MME: variants seen among roughly 807,000 people sequenced by gnomAD.
MME encodes neprilysin.
MME carries 98 observed loss-of-function variants against 113.2 expected under a neutral mutation model. The ratio of observed to expected loss-of-function variants is 0.87; its 90% confidence interval spans 0.74 to 1.02. The LOEUF (loss-of-function observed/expected upper bound fraction) is 1.02, where lower values mean the gene tolerates loss of function less well. MME is among the 50% of genes least tolerant of loss of function. The pLI, the probability that MME is intolerant of heterozygous loss-of-function variation, is 0.00. For synonymous variants in MME, 292 were observed against 300.6 expected (o/e 0.97, Z 0.30); for missense variants, 836 against 896.0 (o/e 0.93, Z 0.86).
chr3:155,084,612 T>C (rs1388671242), intron 2 of MME, among the ~76,000 whole-genome samples: 1 of 152,196 alleles, frequency 6.6e-6, no homozygotes, highest in Non-Finnish European at 1.5e-5. Flanking sequence ...TATACACAAT[T>C]TTATGGCCAG....
chr3:155,130,363 G>A (rs938247977), intron 8 of MME, among the ~76,000 whole-genome samples: 1 of 152,128 alleles, frequency 6.6e-6, no homozygotes, highest in Non-Finnish European at 1.5e-5. Context: ...TAAAAGAAAA[G>A]TAAGAAAACC....
chr3:155,148,569 A>G lies in MME; in HGVS notation c.1517A>G (p.Glu506Gly). ...EYLELNYKED[E>G]YFENIIQNLK... is the part of the protein sequence containing the mutation. ...ATACAGTTGAACTACAAAGAAGATG[A>G]ATACTTCGAGAACATAATTCAAAAT... Residue 506 changes from glutamate to glycine, a missense_variant, in exon 16 of 23, where the codon GAA becomes GGA. Physicochemically the swap from Glu to Gly is moderately conservative, Grantham distance 98. Coordinates refer to ENST00000360490, the MANE Select transcript of MME (RefSeq NM_007289.4). The G allele has an allele frequency of 6.2e-7, 1 of 1,607,936 alleles. No homozygotes were observed. The highest frequency in any genetic ancestry group is 1.3e-5 in the African/African-American group (1 of 74,896).
intron 22 of MME, among the ~76,000 whole-genome samples, chr3:155,174,325 CGTGTGTGTGTGTGTGT>C (rs3839085): frequency 0.013 from 1,480 of 110,320 alleles, 18 homozygotes; most frequent in Non-Finnish European, 0.017. Context: ...ACAACAGAAG[CGTGTGTGTGTGTGTGT>C]GTGTGTGTGT....
chr3:155,180,229 G>C (rs752141051), intron 22 of MME, 131 bp from the exon 23 acceptor site: 3 of 765,754 alleles, frequency 3.9e-6, no homozygotes, highest in African/African-American at 3.4e-5. Flanking sequence ...CATTGTACCA[G>C]GTTATTTTAA....
intron 1 of MME, among the ~76,000 whole-genome samples, chr3:155,051,759 C>A (rs1228253356): frequency 6.6e-6 from 1 of 152,150 alleles, no homozygotes; most frequent in African/African-American, 2.4e-5. Context: ...CATTCCGTCT[C>A]TGACCAAATC....
chr3:155,056,510 T>G lies in MME; in HGVS notation c.-10-27648T>G, dbSNP rs949082185. ...TGTCCCTACAAAGGACATGAACTCA[T>G]CATTTTTTATGGCTGCATAGTATTC... On this transcript the variant is annotated intron_variant, in intron 1 of 22. Coordinates refer to the MME transcript ENST00000492661. 2.6e-4 allele frequency among the ~76,000 whole-genome samples: 38 copies of G among 148,600 alleles called. 1 individual carries two copies. Among genetic ancestry groups the G allele is most frequent in the African/African-American group, 9.5e-4 (37 of 38,908 alleles).
rs1314424522 is a variant in MME, at chr3:155,180,444, G to A, written c.2238G>A (p.Lys746=). The A allele has an allele frequency of 6.2e-7, 1 of 1,613,314 alleles. No homozygotes were observed. The highest frequency in any genetic ancestry group is 1.7e-4 in the Middle Eastern group (1 of 6,058). The change falls in exon 23 of 23, where the codon AAG becomes AAA. Residue 746 remains lysine (K), a synonymous_variant. Coordinates refer to ENST00000360490, the MANE Select transcript of MME (RefSeq NM_007289.4). ...RKNSYMNPEK[K]CRVW is the part of the protein sequence containing the mutation. ...ATTCATACATGAATCCAGAAAAGAA[G>A]TGCCGGGTTTGGTGATCTTCAAAAG...
At chr3:155,032,238 T>A (rs1408422567) in intron 1 of MME, among the ~76,000 whole-genome samples, 6 of 152,212 alleles carry the variant, frequency 3.9e-5, no homozygotes, top group Non-Finnish European at 8.8e-5. Context: ...AGGAGAAAGA[T>A]TAGATTTGTC....
In MME at chr3:155,141,868, A is replaced by C. The variant is rs534576513; in HGVS notation, c.958-123A>C. ...CTAGTTTTTATTTAAAAACTGATTG[A>C]AACAATTGAGGAAGAATCCCAAGTG... On this transcript the variant is annotated intron_variant, in intron 10 of 22. Transcript: ENST00000360490. 16 of 1,057,322 alleles carry C rather than the reference A, an allele frequency of 1.5e-5. No individual in the cohort carries two copies. The African/African-American group carries it at 2.4e-4, about 16-fold the overall frequency. 65.5% of individuals were successfully genotyped at this position (1,057,322 alleles called of 1,614,324 possible).
At chr3:155,130,748 C>G (rs1433735286) in intron 8 of MME, among the ~76,000 whole-genome samples, 3 of 152,162 alleles carry the variant, frequency 2.0e-5, no homozygotes, top group African/African-American at 7.2e-5. Context: ...CTTTGTCCAC[C>G]TACCCAATGT....
chr3:155,099,081 T>C (rs1469644201), intron 3 of MME, among the ~76,000 whole-genome samples: 1 of 152,166 alleles, frequency 6.6e-6, no homozygotes, highest in Non-Finnish European at 1.5e-5. Flanking sequence ...TAGTTTTGCT[T>C]TTCCATGTTG....
chr3:155,161,072 A>C (rs193128571), intron 17 of MME, among the ~76,000 whole-genome samples: 1 of 152,184 alleles, frequency 6.6e-6, no homozygotes, highest in Non-Finnish European at 1.5e-5. Flanking sequence ...ACATTAACAC[A>C]TGAATAAGTT....
At chr3:155,049,597 C>T (rs775686637) in intron 1 of MME, among the ~76,000 whole-genome samples, 1 of 151,946 alleles carries the variant, frequency 6.6e-6, no homozygotes, top group Non-Finnish European at 1.5e-5. Flanking sequence ...AATTAAGGAA[C>T]ATGGTAGAGA....
chr3:155,025,243 C>T (rs1371662304), intron 1 of MME, among the ~76,000 whole-genome samples: 1 of 152,150 alleles, frequency 6.6e-6, no homozygotes, highest in Non-Finnish European at 1.5e-5. Flanking sequence ...ACTCAGCCAA[C>T]TGTGCCAGTG....
At chr3:155,047,790 G>A (rs1467839928) in intron 1 of MME, among the ~76,000 whole-genome samples, 2 of 152,074 alleles carry the variant, frequency 1.3e-5, no homozygotes, top group Non-Finnish European at 2.9e-5. Context: ...GGATTGGGTA[G>A]ACTATGGTTT....
intron 1 of MME, among the ~76,000 whole-genome samples, chr3:155,027,587 C>T (rs1218628700): frequency 1.3e-5 from 2 of 152,334 alleles, no homozygotes; most frequent in East Asian, 1.9e-4. Flanking sequence ...GATCTGAAAA[C>T]CTCTATTCAA....
At position 155,140,310 on chromosome 3, in the gene MME, TG is replaced by T; in HGVS notation, c.957+19del. The T allele has an allele frequency of 1.3e-6, 2 of 1,496,468 alleles. No homozygotes were observed. Among genetic ancestry groups the T allele is most frequent in the Non-Finnish European group, 1.9e-6 (2 of 1,073,294 alleles). The allele number at this position is 1,496,468 out of a possible 1,614,324, so 92.7% of individuals were successfully genotyped here. ...ATGGGAAGGTAAGTGGTAAGTTTTT[TG>T]TGCTCTCTTATTGTGCCGTTTTCTA... is the stretch of plus-strand genomic sequence containing the variant. On this transcript the variant is annotated intron_variant, in intron 10 of 22. Coordinates refer to ENST00000360490, the MANE Select transcript of MME (RefSeq NM_007289.4).
At chr3:155,075,589 T>C (rs1218737848), upstream of MME, among the ~76,000 whole-genome samples, 2 of 152,220 alleles carry the variant, frequency 1.3e-5, no homozygotes, top group African/African-American at 4.8e-5. Flanking sequence ...ATCTTTTTTG[T>C]GGTTGTATTA....
chr3:155,081,096 G>A (rs1715101319), intron 1 of MME: 1 of 152,186 alleles, frequency 6.6e-6, no homozygotes, highest in South Asian at 2.1e-4. Context: ...TCTGTCCTCA[G>A]CTTCTGCAGA....
Sources: gnomAD v4.1 joint callset for allele counts (sites outside exome capture counted in the v4.1 genomes callset) on GRCh38, gnomAD v4.1.1 for gene constraint, MANE v1.5 for transcripts, NCBI Gene and HGNC (gene_info 2026-07-23, HGNC 2026-07-21) for gene names.